Variants in MAGI3 observed in about 807,000 individuals in gnomAD.
MAGI3 encodes the protein membrane-associated guanylate kinase, WW and PDZ domain-containing protein 3.
A neutral mutation model predicts 121.8 loss-of-function variants in MAGI3; 43 were observed. That is an observed-to-expected ratio of 0.35 (90% CI 0.28 to 0.46). The LOEUF (loss-of-function observed/expected upper bound fraction) is 0.46. MAGI3 is among the 20% of genes least tolerant of loss of function. The pLI is 1.00. For missense variants in MAGI3, 1,547 were observed against 1,797.3 expected (o/e 0.86, Z 2.52); for synonymous variants, 553 against 639.3 (o/e 0.86, Z 2.04).
chr1:113,539,482 A>G (rs1320335191), intron 1 of MAGI3, among the ~76,000 whole-genome samples: 1 of 151,498 alleles, frequency 6.6e-6, no homozygotes, highest in African/African-American at 2.4e-5. Flanking sequence ...TACCTTAAGT[A>G]TTGTTAAGTA....
intron 1 of MAGI3, among the ~76,000 whole-genome samples, chr1:113,425,747 C>T (rs1652977537): frequency 6.6e-6 from 1 of 152,068 alleles, no homozygotes. Flanking sequence ...CAGGATCCGT[C>T]GTAATAGACC....
intron 8 of MAGI3, among the ~76,000 whole-genome samples, chr1:113,622,369 A>G (rs1356989676): frequency 4.6e-5 from 7 of 152,098 alleles, no homozygotes; most frequent in African/African-American, 1.4e-4. Flanking sequence ...TAAATTATCC[A>G]CTAAACATGA....
intron 1 of MAGI3, among the ~76,000 whole-genome samples, chr1:113,509,199 A>C (rs886242038): frequency 2.0e-5 from 3 of 152,212 alleles, no homozygotes; most frequent in Non-Finnish European, 4.4e-5. Context: ...TCGTTTACTC[A>C]TTTTAAAACT....
chr1:113,435,775 G>A (rs981729263), intron 1 of MAGI3, among the ~76,000 whole-genome samples: 1 of 152,006 alleles, frequency 6.6e-6, no homozygotes, highest in African/African-American at 2.4e-5. Context: ...AAATCAGGTG[G>A]AAAAAGGGAC....
intron 1 of MAGI3, among the ~76,000 whole-genome samples, chr1:113,426,478 G>A (rs1437917315): frequency 1.3e-5 from 2 of 152,178 alleles, no homozygotes; most frequent in Non-Finnish European, 2.9e-5. Flanking sequence ...CAGTTGATGA[G>A]TGCAGCATGT....
chr1:113,545,680 G>A (rs952412092), intron 1 of MAGI3, among the ~76,000 whole-genome samples: 1 of 152,176 alleles, frequency 6.6e-6, no homozygotes, highest in African/African-American at 2.4e-5. Flanking sequence ...ATTCATGATT[G>A]AGGTTTCTGT....
chr1:113,473,668 G>A lies in MAGI3; in HGVS notation c.317-75847G>A, dbSNP rs150034846. Reference sequence around the variant, plus strand: ...CATTTTCTTGATCCAGTCTATCATCGATGGACATTTGGGTTGGTTCCAAGT... The same window carrying A: ...CATTTTCTTGATCCAGTCTATCATCAATGGACATTTGGGTTGGTTCCAAGT... On this transcript the variant is annotated intron_variant, in intron 1 of 20. Coordinates refer to ENST00000307546, the MANE Select transcript of MAGI3 (RefSeq NM_001142782.2). Among the ~76,000 whole-genome samples the A allele has an allele frequency of 7.1e-3, 1,087 of 152,148 alleles. 9 individuals carry two copies. Among genetic ancestry groups the A allele is most frequent in the African/African-American group, 0.025 (1,034 of 41,490 alleles).
intron 1 of MAGI3, among the ~76,000 whole-genome samples, chr1:113,495,533 C>G (rs1258430282): frequency 1.3e-5 from 2 of 151,936 alleles, no homozygotes; most frequent in East Asian, 3.9e-4. Flanking sequence ...CCCCCGAGTC[C>G]CCAAAGTCCA....
At chr1:113,538,298 A>C (rs1375567778) in intron 1 of MAGI3, among the ~76,000 whole-genome samples, 1 of 152,214 alleles carries the variant, frequency 6.6e-6, no homozygotes, top group Admixed American at 6.5e-5. Flanking sequence ...GTTGAAGTGC[A>C]TAACTTTGAT....
chr1:113,413,492 G>A (rs1652120859), intron 1 of MAGI3, among the ~76,000 whole-genome samples: 1 of 152,074 alleles, frequency 6.6e-6, no homozygotes, highest in Non-Finnish European at 1.5e-5. Flanking sequence ...TCACAATATT[G>A]ATTGTTCCTA....
intron 1 of MAGI3, among the ~76,000 whole-genome samples, chr1:113,440,523 TG>T (rs955295458): frequency 6.6e-6 from 1 of 152,212 alleles, no homozygotes; most frequent in Non-Finnish European, 1.5e-5. Context: ...TGTATCTCAC[TG>T]GCTGGAATTG....
intron 1 of MAGI3, among the ~76,000 whole-genome samples, chr1:113,412,727 G>GT (rs143700768): frequency 0.15 from 23,147 of 151,208 alleles, 2,795 homozygotes; most frequent in East Asian, 0.63. Context: ...GTTTTTGTTT[G>GT]TTTTTTTTCT....
At chr1:113,488,432 C>A (rs1656505888) in intron 1 of MAGI3, among the ~76,000 whole-genome samples, 1 of 152,232 alleles carries the variant, frequency 6.6e-6, no homozygotes, top group South Asian at 2.1e-4. Context: ...TCTGCTGACC[C>A]CTCCCAGGCC....
rs542474351 is a variant in MAGI3 at position 113,444,337 on chromosome 1, G to A, written c.316+52988G>A. Among the ~76,000 whole-genome samples the A allele has an allele frequency of 3.3e-5, 5 of 152,304 alleles. No individual in the cohort carries two copies. The East Asian group carries it at 9.6e-4, about 29-fold the overall frequency. ...TTGTATACCTACCCCCATTGTTGCAGTCCCCTCCCCCTTCAGCTGAAGTGA... is the reference window on the plus strand; with the variant it reads ...TTGTATACCTACCCCCATTGTTGCAATCCCCTCCCCCTTCAGCTGAAGTGA... On this transcript the variant is annotated intron_variant, in intron 1 of 20. Transcript: ENST00000307546.
intron 6 of MAGI3, among the ~76,000 whole-genome samples, chr1:113,599,047 C>T (rs1019356595): frequency 1.2e-4 from 18 of 152,150 alleles, no homozygotes; most frequent in South Asian, 8.3e-4. Context: ...TCTTTGTTCT[C>T]GTTGGTTTCA....
chr1:113,578,380 A>G (rs1647792365), intron 2 of MAGI3, among the ~76,000 whole-genome samples: 1 of 152,158 alleles, frequency 6.6e-6, no homozygotes. Context: ...TCTGTCATAG[A>G]TAATTACAAA....
At chr1:113,530,326 A>T (rs1332078263) in intron 1 of MAGI3, among the ~76,000 whole-genome samples, 1 of 151,408 alleles carries the variant, frequency 6.6e-6, no homozygotes, top group Non-Finnish European at 1.5e-5. Context: ...CAGAAAGGAA[A>T]AAAAAAAAAA....
chr1:113,653,878 AT>A lies in MAGI3; in HGVS notation c.2490del (p.Asn830LysfsTer6). 3.1e-6 allele frequency: 5 copies of A among 1,613,548 alleles called. No homozygotes were observed. The highest frequency in any genetic ancestry group is 4.2e-6 in the Non-Finnish European group (5 of 1,179,766). Reference sequence around the variant, plus strand: ...TCTCAGGCCTTCATTTCAACACAGAATGGATCTCCCCGCCTGAACCGGGCAG... The same window carrying A: ...TCTCAGGCCTTCATTTCAACACAGAAGGATCTCCCCGCCTGAACCGGGCAG... Reference protein sequence around the residue: ...DSSQAFISTQNGSPRLNRAEV... With the variant: ...DSSQAFISTQXGSPRLNRAEV... On this transcript the variant is annotated frameshift_variant, in exon 15 of 21. Coordinates refer to ENST00000307546, the MANE Select transcript of MAGI3 (RefSeq NM_001142782.2). LOFTEE classifies it high-confidence loss of function.
rs1470294980 is a variant in MAGI3 at position 113,658,198 on chromosome 1, GCTGC to G, written c.2630-878_2630-875del. On this transcript the variant is annotated intron_variant, in intron 15 of 20. Transcript: ENST00000307546. The surrounding 1 kb of genome is among the most constrained non-coding windows in gnomAD (Gnocchi z 4.0). ...GGAACATTTGTTTCCTAATACAAAT[GCTGC>G]CTGTTGCACGGTGGAAAATATTTTG... is the stretch of plus-strand genomic sequence containing the variant. 1.3e-5 allele frequency among the ~76,000 whole-genome samples: 2 copies of G among 152,198 alleles called. No individual in the cohort carries two copies. The highest frequency in any genetic ancestry group is 4.8e-5 in the African/African-American group (2 of 41,452).
Sources: gnomAD v4.1 joint callset for allele counts (sites outside exome capture counted in the v4.1 genomes callset) on GRCh38, gnomAD v4.1.1 for gene constraint, Gnocchi (gnomAD v3.1) non-coding constraint, MANE v1.5 for transcripts, NCBI Gene and HGNC (gene_info 2026-07-23, HGNC 2026-07-21) for gene names.